Variants in DNAH11 observed in about 807,000 individuals in gnomAD.
DNAH11 encodes axonemal beta dynein heavy chain 11.
DNAH11 carries 442 observed loss-of-function variants against 526.0 expected under a neutral mutation model. The observed-to-expected ratio is 0.84, with a 90% CI of 0.78 to 0.91. The LOEUF is 0.91. Among genes scored for constraint, DNAH11 ranks in the 40% least tolerant of loss-of-function variants. The pLI is 0.00. For missense variants in DNAH11, 6,989 were observed against 5,448.7 expected (o/e 1.28, Z -8.90); for synonymous variants, 2,461 against 1,935.9 (o/e 1.27, Z -7.12).
At chr7:21,732,414 T>A (rs1785421439) in intron 45 of DNAH11, among the ~76,000 whole-genome samples, 1 of 152,120 alleles carries the variant, frequency 6.6e-6, no homozygotes, top group Non-Finnish European at 1.5e-5. Flanking sequence ...CCAAATACAG[T>A]CCCATTCTGA....
chr7:21,705,494 A>T lies in DNAH11; in HGVS notation c.6503A>T (p.His2168Leu). 1 of 1,613,692 alleles carries T rather than the reference A, an allele frequency of 6.2e-7. No individual in the cohort carries two copies. Among genetic ancestry groups the T allele is most frequent in the Non-Finnish European group, 8.5e-7 (1 of 1,179,730 alleles). The change falls in exon 39 of 82, where the codon CAC becomes CTC. Residue 2168 changes from histidine to leucine, a missense_variant. His to Leu is a moderately conservative substitution (Grantham distance 99, BLOSUM62 -3). Coordinates refer to ENST00000409508, the MANE Select transcript of DNAH11 (RefSeq NM_001277115.2). ...CTTGAGGAACTGTTGGCTGTGCGGC[A>T]CTCGGTCTTTGTAGTTGGAAATGCA... ...VQLEELLAVR[H>L]SVFVVGNAGT...
chr7:21,826,920 A>T (rs972090392), intron 65 of DNAH11, among the ~76,000 whole-genome samples: 1 of 152,210 alleles, frequency 6.6e-6, no homozygotes, highest in Non-Finnish European at 1.5e-5. Context: ...ATTCCTAATA[A>T]TGAATGTCTG....
intron 18 of DNAH11, among the ~76,000 whole-genome samples, chr7:21,602,473 A>G (rs1168010552): frequency 1.3e-5 from 2 of 152,162 alleles, no homozygotes; most frequent in Non-Finnish European, 2.9e-5. Flanking sequence ...TTAACAACAA[A>G]GTCTCTTTAA....
intron 6 of DNAH11, among the ~76,000 whole-genome samples, chr7:21,568,579 T>G (rs1783762935): frequency 6.6e-6 from 1 of 152,138 alleles, no homozygotes; most frequent in African/African-American, 2.4e-5. Flanking sequence ...TTTAGGACAT[T>G]AAGTGCCATC....
At chr7:21,899,893 C>G in intron 80 of DNAH11, 87 bp from the exon 81 acceptor site, 3 of 1,511,188 alleles carry the variant, frequency 2.0e-6, no homozygotes, top group South Asian at 1.3e-5. Flanking sequence ...CCCTATGGGA[C>G]TAAAGGATGC....
In DNAH11 at chr7:21,784,244, G is replaced by T. The variant is rs73277724; in HGVS notation, c.9484-183G>T. 0.17 allele frequency among the ~76,000 whole-genome samples: 26,432 copies of T among 152,114 alleles called. 2,579 individuals are homozygous for T. Among genetic ancestry groups the T allele is most frequent in the African/African-American group, 0.27 (11,055 of 41,468 alleles). ...ATTTGTTACTGTGTGTTTTTTACAT[G>T]TACAAAACTTTGTATATATACTATG... On this transcript the variant is annotated intron_variant, in intron 57 of 81. Coordinates refer to ENST00000409508, the MANE Select transcript of DNAH11 (RefSeq NM_001277115.2).
intron 51 of DNAH11, among the ~76,000 whole-genome samples, chr7:21,746,197 G>A (rs1456490251): frequency 6.6e-6 from 1 of 152,152 alleles, no homozygotes; most frequent in Non-Finnish European, 1.5e-5. Flanking sequence ...GTTTACATCC[G>A]ATACTGCTCT....
At position 21,599,926 on chromosome 7, in the gene DNAH11, A is replaced by G; in HGVS notation, c.2807A>G (p.Lys936Arg). Reference protein sequence around the residue: ...DLDFFLKNTEKQLKPAPFFQA... With the variant: ...DLDFFLKNTERQLKPAPFFQA... The stretch of plus-strand genomic sequence containing the variant: ...GACTTCTTTCTGAAGAATACAGAGA[A>G]ACAATTGAAACCGGCACCGTTTTTT... The change falls in exon 15 of 82, where the codon AAA (lysine) becomes AGA (arginine). Residue 936 changes from lysine to arginine, a missense_variant. By Grantham distance (26) the Lys-to-Arg change is conservative. Coordinates refer to ENST00000409508, the MANE Select transcript of DNAH11 (RefSeq NM_001277115.2). 1 of 1,613,758 alleles carries G rather than the reference A, an allele frequency of 6.2e-7. No homozygotes were observed. Among genetic ancestry groups the G allele is most frequent in the Non-Finnish European group, 8.5e-7 (1 of 1,179,786 alleles).
intron 30 of DNAH11, among the ~76,000 whole-genome samples, chr7:21,672,992 C>A (rs1055496909): frequency 5.3e-5 from 8 of 152,150 alleles, no homozygotes; most frequent in African/African-American, 1.9e-4. Context: ...TATGTGTATC[C>A]TATACACCCC....
At chr7:21,766,075 T>C (rs914247579) in intron 55 of DNAH11, among the ~76,000 whole-genome samples, 1 of 152,216 alleles carries the variant, frequency 6.6e-6, no homozygotes, top group African/African-American at 2.4e-5. Context: ...CTGTATCCCA[T>C]AACCACTAAG....
At chr7:21,552,061 G>C (rs1783044477) in intron 2 of DNAH11, among the ~76,000 whole-genome samples, 1 of 152,130 alleles carries the variant, frequency 6.6e-6, no homozygotes, top group Admixed American at 6.5e-5. Flanking sequence ...ACCCCTGAGA[G>C]ACAGAATCAA....
chr7:21,848,660 A>G (rs1782512010), intron 66 of DNAH11, among the ~76,000 whole-genome samples: 2 of 152,024 alleles, frequency 1.3e-5, no homozygotes, highest in Non-Finnish European at 1.5e-5. Flanking sequence ...TAATATTTAT[A>G]TATTACAACA....
chr7:21,563,771 A>G (rs985824914), intron 5 of DNAH11, among the ~76,000 whole-genome samples: 5 of 152,306 alleles, frequency 3.3e-5, no homozygotes, highest in South Asian at 2.1e-4. Context: ...AAACAATTCA[A>G]TTGTGCTCAT....
intron 76 of DNAH11, among the ~76,000 whole-genome samples, chr7:21,889,401 A>C (rs1312603886): frequency 6.6e-6 from 1 of 152,108 alleles, no homozygotes; most frequent in Non-Finnish European, 1.5e-5. Context: ...ATTCTTTCGG[A>C]TATGTACCTT....
chr7:21,729,343 T>C (rs1175562343), intron 45 of DNAH11, among the ~76,000 whole-genome samples: 6 of 152,322 alleles, frequency 3.9e-5, no homozygotes, highest in African/African-American at 7.2e-5. Flanking sequence ...GCTGATTTTG[T>C]CTAAGAATTA....
At position 21,751,319 on chromosome 7, in the gene DNAH11, G is replaced by A. The variant is rs978911880; in HGVS notation, c.8940+955G>A. 2.6e-5 allele frequency among the ~76,000 whole-genome samples: 4 copies of A among 152,116 alleles called. No homozygotes were observed. The East Asian group carries it at 7.7e-4, about 29-fold the overall frequency. Reference sequence around the variant, plus strand: ...AGCCTGGGTGACAGAGTGACACTCTGTCTCAAAAAACAAAAGAAGTAATGC... The same window carrying A: ...AGCCTGGGTGACAGAGTGACACTCTATCTCAAAAAACAAAAGAAGTAATGC... On this transcript the variant is annotated intron_variant, in intron 54 of 81. Transcript: ENST00000409508.
At chr7:21,749,329 AC>A (rs1388327384) in intron 52 of DNAH11, among the ~76,000 whole-genome samples, 1 of 152,218 alleles carries the variant, frequency 6.6e-6, no homozygotes, top group Non-Finnish European at 1.5e-5. Flanking sequence ...AAAAAATAGG[AC>A]AGTTGTTAAA....
At chr7:21,603,530 G>T (rs1032747936) in intron 18 of DNAH11, among the ~76,000 whole-genome samples, 1 of 152,134 alleles carries the variant, frequency 6.6e-6, no homozygotes, top group Admixed American at 6.6e-5. Flanking sequence ...ATTTTGCTTT[G>T]TGAGGATTAA....
chr7:21,757,448 A>C (rs6979777), intron 54 of DNAH11, among the ~76,000 whole-genome samples: 140,818 of 152,110 alleles, frequency 0.93, 65,290 homozygotes, highest in African/African-American at 0.95. Context: ...TCATCTTGGC[A>C]TGTTCTCTGA....
Sources: allele counts gnomAD v4.1 joint callset (sites outside exome capture counted in the v4.1 genomes callset), GRCh38; gene constraint gnomAD v4.1.1; transcripts MANE v1.5; gene names NCBI Gene and HGNC (gene_info 2026-07-23, HGNC 2026-07-21).